PLCG2: variants seen among roughly 807,000 people sequenced by gnomAD.
The protein encoded by PLCG2 is 1-phosphatidylinositol 4,5-bisphosphate phosphodiesterase gamma-2.
Under a neutral mutation model 175.6 loss-of-function variants are expected in PLCG2, and 69 were observed. That is an observed-to-expected ratio of 0.39 (90% confidence interval 0.32 to 0.48). PLCG2 has a LOEUF of 0.48. PLCG2 is among the 20% of genes least tolerant of loss of function. PLCG2 has a pLI of 0.91. For synonymous variants in PLCG2, 827 were observed against 624.0 expected, an observed-to-expected ratio of 1.33 and a Z score of -4.85; for missense variants, 1,798 against 1,650.9, an observed-to-expected ratio of 1.09 and a Z score of -1.54.
At chr16:81,952,283 G>C (rs561275979) in intron 31 of PLCG2, among the ~76,000 whole-genome samples, 1 of 151,872 alleles carries the variant, frequency 6.6e-6, no homozygotes, top group South Asian at 2.1e-4. Context: ...ATATTCACAC[G>C]TAGATGAATA....
chr16:81,800,881 G>A (rs72834748), intron 2 of PLCG2, among the ~76,000 whole-genome samples: 402 of 152,208 alleles, frequency 2.6e-3, no homozygotes, highest in South Asian at 0.015. Flanking sequence ...AAAGGTCCTT[G>A]CAGGAGGGAG....
intron 5 of PLCG2, among the ~76,000 whole-genome samples, chr16:81,866,056 G>T (rs1597362406): frequency 7.7e-6 from 1 of 130,592 alleles, no homozygotes; most frequent in East Asian, 2.4e-4. Flanking sequence ...AGAGGACGCT[G>T]GCCTCTCCCT....
chr16:81,792,503 A>AAAAAAAAAAAAAAAAAAAAAAAAAAC (rs1911283447), intron 2 of PLCG2, among the ~76,000 whole-genome samples: 1 of 144,070 alleles, frequency 6.9e-6, no homozygotes, highest in Admixed American at 6.9e-5. Flanking sequence ...AAAAAAAAAA[A>AAAAAAAAAAAAAAAAAAAAAAAAAAC]AAAAAAAAGA....
intron 31 of PLCG2, among the ~76,000 whole-genome samples, chr16:81,951,430 G>A (rs1426335307): frequency 6.6e-6 from 1 of 152,174 alleles, no homozygotes; most frequent in Non-Finnish European, 1.5e-5. Flanking sequence ...AAAAGCAGTA[G>A]AAAAGTTAAA....
chr16:81,775,143 C>G (rs1910371300), upstream of PLCG2, among the ~76,000 whole-genome samples: 1 of 152,212 alleles, frequency 6.6e-6, no homozygotes, highest in Admixed American at 6.5e-5. Context: ...AGCACATTCA[C>G]AGAGCTGAGC....
chr16:81,778,046 A>ACAAACAAAC (rs1567457806), upstream of PLCG2, among the ~76,000 whole-genome samples: 319 of 89,304 alleles, frequency 3.6e-3, 7 homozygotes, highest in African/African-American at 0.016. Flanking sequence ...AAAAAAACAA[A>ACAAACAAAC]AAAAAAAACA....
intron 2 of PLCG2, among the ~76,000 whole-genome samples, chr16:81,838,778 AATATATATATATAT>A (rs10549962): frequency 1.4e-5 from 2 of 141,694 alleles, no homozygotes; most frequent in African/African-American, 2.6e-5. Context: ...AGTAAAATTA[AATATATATATATAT>A]ATATATATAT....
chr16:81,781,685 C>A (rs1338567189), intron 1 of PLCG2, among the ~76,000 whole-genome samples: 1 of 152,086 alleles, frequency 6.6e-6, no homozygotes, highest in Non-Finnish European at 1.5e-5. Flanking sequence ...CAGTAATGTC[C>A]CTTGAACTGT....
chr16:81,943,778 G>A (rs369334194), intron 30 of PLCG2, among the ~76,000 whole-genome samples: 18 of 152,184 alleles, frequency 1.2e-4, no homozygotes, highest in South Asian at 2.1e-4. Flanking sequence ...ACATTGTAGC[G>A]ATAGGGAAAA....
rs1159645057 is a variant in PLCG2, at chr16:81,889,224, T to C, written c.818T>C (p.Ile273Thr). 2 of 1,607,490 alleles carry C rather than the reference T, an allele frequency of 1.2e-6. No homozygotes were observed. The highest frequency in any genetic ancestry group is 1.7e-5 in the Admixed American group (1 of 59,226). ...NKVRERMTKF[I>T]DDTMRETAEP... The stretch of plus-strand genomic sequence containing the variant: ...GTCCGTGAGCGGATGACAAAGTTCA[T>C]TGATGACACCATGCGTGAAACTGCT... Residue 273 changes from isoleucine (I) to threonine (T), a missense_variant, in exon 10 of 33, where the codon ATT becomes ACT. By Grantham distance (89) the Ile-to-Thr change is moderately conservative. Coordinates refer to ENST00000564138, the MANE Select transcript of PLCG2 (RefSeq NM_002661.5).
intron 2 of PLCG2, among the ~76,000 whole-genome samples, chr16:81,791,238 GT>G (rs1911218301): frequency 6.6e-6 from 1 of 152,142 alleles, no homozygotes. Flanking sequence ...AGGAGGGAAG[GT>G]TTTTGTCCAT....
At chr16:81,818,882 G>GTTTTTTTTTT (rs1567480211) in intron 2 of PLCG2, among the ~76,000 whole-genome samples, 1 of 59,648 alleles carries the variant, frequency 1.7e-5, no homozygotes, top group Non-Finnish European at 2.9e-5. Flanking sequence ...TGGGCTCATG[G>GTTTTTTTTTT]ATTTTTTTTT....
At chr16:81,935,101 A>G (rs766186726) in intron 26 of PLCG2, among the ~76,000 whole-genome samples, 11 of 152,270 alleles carry the variant, frequency 7.2e-5, no homozygotes, top group Non-Finnish European at 1.3e-4. Context: ...GCTGAAAACA[A>G]CATTTATTCT....
rs139225692 is a variant in PLCG2, at chr16:81,860,181, T to A, written c.479+1018T>A. Among the ~76,000 whole-genome samples, 842 of 122,564 alleles carry A rather than the reference T, an allele frequency of 6.9e-3. 6 individuals carry two copies. Among genetic ancestry groups the A allele is most frequent in the Non-Finnish European group, 0.01 (563 of 56,064 alleles). The allele number at this position is 122,564 out of a possible 152,430, so 80.4% of individuals were successfully genotyped here. On this transcript the variant is annotated intron_variant, in intron 5 of 32. Coordinates refer to ENST00000564138, the MANE Select transcript of PLCG2 (RefSeq NM_002661.5). The stretch of plus-strand genomic sequence containing the variant: ...TATTATTATTATTATTATTTTTTTT[T>A]TTTTTTGTAAAGGTGAAGTCTTACC...
Position 81,907,780 on chromosome 16 carries a change from G to A in PLCG2, c.1557+6G>A, listed in dbSNP as rs139565830. ...TGGAGGAGGAAGTGCCCCAGGTAGG[G>A]GGACACCCTAGCCACATAGGGAGGA... On this transcript the variant is annotated splice_donor_region_variant and intron_variant, in intron 16 of 32. Coordinates refer to ENST00000564138, the MANE Select transcript of PLCG2 (RefSeq NM_002661.5). The A allele has an allele frequency of 4.3e-6, 7 of 1,609,484 alleles. No homozygotes were observed. The highest frequency in any genetic ancestry group is 5.9e-6 in the Non-Finnish European group (7 of 1,176,570).
chr16:81,849,408 TC>T (rs1379084473), intron 2 of PLCG2, among the ~76,000 whole-genome samples: 1 of 152,174 alleles, frequency 6.6e-6, no homozygotes, highest in East Asian at 1.9e-4. Context: ...AAAAAGTTTT[TC>T]TTTAGTTATG....
intron 31 of PLCG2, among the ~76,000 whole-genome samples, chr16:81,947,580 T>C (rs1447002442): frequency 6.6e-6 from 1 of 152,244 alleles, no homozygotes; most frequent in African/African-American, 2.4e-5. Flanking sequence ...ATGCAGACTT[T>C]TCTGAGCAAA....
chr16:81,956,892 C>G lies in PLCG2; in HGVS notation c.3755+13C>G. ...AATGCAACAAGAGGTAGGTCAGCCC[C>G]TCCACCTGCAAAAACTTTTGGGGGG... On this transcript the variant is annotated intron_variant, in intron 32 of 32. Coordinates refer to ENST00000564138, the MANE Select transcript of PLCG2 (RefSeq NM_002661.5). The G allele has an allele frequency of 6.2e-7, 1 of 1,608,240 alleles. No homozygotes were observed. The highest frequency in any genetic ancestry group is 1.7e-4 in the Middle Eastern group (1 of 6,034).
At chr16:81,881,434 A>G (rs1908074744) in intron 8 of PLCG2, among the ~76,000 whole-genome samples, 1 of 152,206 alleles carries the variant, frequency 6.6e-6, no homozygotes, top group Admixed American at 6.5e-5. Context: ...ACTTATCAGG[A>G]CATTCACTGT....
Sources: allele counts gnomAD v4.1 joint callset (sites outside exome capture counted in the v4.1 genomes callset), GRCh38; gene constraint gnomAD v4.1.1; transcripts MANE v1.5; gene names NCBI Gene and HGNC (gene_info 2026-07-23, HGNC 2026-07-21).